IL1R1: variants seen among roughly 807,000 people sequenced by gnomAD.
IL1R1 encodes the protein interleukin 1 receptor type 1.
IL1R1 carries 22 observed loss-of-function variants against 50.2 expected under a neutral mutation model. The ratio of observed to expected loss-of-function variants is 0.44; its 90% CI spans 0.31 to 0.63. The LOEUF is 0.63. IL1R1 is among the 20% of genes least tolerant of loss of function. The pLI is 0.07. For missense variants in IL1R1, 509 were observed against 676.2 expected, an observed-to-expected ratio of 0.75 and a Z score of 2.74; for synonymous variants, 251 against 236.7, an observed-to-expected ratio of 1.06 and a Z score of -0.55.
chr2:102,137,684 A>G (rs1278371738), intron 1 of IL1R1, among the ~76,000 whole-genome samples: 2 of 152,188 alleles, frequency 1.3e-5, no homozygotes, highest in East Asian at 1.9e-4. Context: ...ACCATATTCT[A>G]TTGGTTGAAA....
intron 1 of IL1R1, among the ~76,000 whole-genome samples, chr2:102,098,389 T>C (rs1161528052): frequency 1.3e-5 from 2 of 152,136 alleles, no homozygotes; most frequent in African/African-American, 2.4e-5. Context: ...CTGGAGTTGC[T>C]GGCCAATGCA....
chr2:102,093,893 C>T lies in IL1R1; in HGVS notation c.-84+23360C>T, dbSNP rs555987196. Among the ~76,000 whole-genome samples, 168 of 152,290 alleles carry T rather than the reference C, an allele frequency of 1.1e-3. 1 individual carries two copies. Among genetic ancestry groups the T allele is most frequent in the African/African-American group, 3.9e-3 (163 of 41,564 alleles). ...CCCGGCAGCTGCAGTGGGGCATCCC[C>T]GCGGGACCAGTCCTCCTGCAGCAGT... On this transcript the variant is annotated intron_variant, in intron 1 of 11. Coordinates refer to the IL1R1 transcript ENST00000409929.
chr2:102,118,958 C>T (rs1000900520), intron 1 of IL1R1, among the ~76,000 whole-genome samples: 20 of 126,216 alleles, frequency 1.6e-4, no homozygotes, highest in Admixed American at 1.0e-3. Context: ...GCAGAGCTTG[C>T]GGTGAGCCGA....
intron 1 of IL1R1, among the ~76,000 whole-genome samples, chr2:102,089,056 G>T (rs1679548370): frequency 6.6e-6 from 1 of 152,146 alleles, no homozygotes; most frequent in African/African-American, 2.4e-5. Flanking sequence ...AGGCTGTTTT[G>T]CTTTCTGATC....
chr2:102,131,637 A>T (rs1275574769), intron 1 of IL1R1, among the ~76,000 whole-genome samples: 2 of 92,184 alleles, frequency 2.2e-5, no homozygotes, highest in African/African-American at 7.4e-5. Flanking sequence ...AGACATAACA[A>T]TAGAAACTAT....
intron 1 of IL1R1, among the ~76,000 whole-genome samples, chr2:102,082,579 C>T (rs1211244200): frequency 6.6e-6 from 1 of 152,138 alleles, no homozygotes; most frequent in Non-Finnish European, 1.5e-5. Context: ...TAGGTGATAA[C>T]GGAAGTAGTG....
chr2:102,109,622 G>C (rs1384509263), intron 1 of IL1R1, among the ~76,000 whole-genome samples: 1 of 152,146 alleles, frequency 6.6e-6, no homozygotes, highest in African/African-American at 2.4e-5. Flanking sequence ...CCTCAACTTG[G>C]GGATCAGGCA....
At chr2:102,104,339 T>C (rs77116127), upstream of IL1R1, among the ~76,000 whole-genome samples, 1,778 of 152,210 alleles carry the variant, frequency 0.012, 76 homozygotes, top group East Asian at 0.14. Context: ...GACTGACCAG[T>C]CAAGACTCTG....
At chr2:102,071,310 A>C (rs1307200992) in intron 1 of IL1R1, among the ~76,000 whole-genome samples, 1 of 152,214 alleles carries the variant, frequency 6.6e-6, no homozygotes, top group African/African-American at 2.4e-5. Context: ...TTTTTAACTA[A>C]ATAGGGTGAT....
chr2:102,101,428 T>G (rs1313367283), upstream of IL1R1, among the ~76,000 whole-genome samples: 2 of 152,216 alleles, frequency 1.3e-5, no homozygotes, highest in African/African-American at 4.8e-5. Flanking sequence ...CCTCTCTTAA[T>G]GACCCATAGC....
At chr2:102,140,737 G>A (rs754069303), upstream of IL1R1, among the ~76,000 whole-genome samples, 1 of 152,142 alleles carries the variant, frequency 6.6e-6, no homozygotes, top group African/African-American at 2.4e-5. Context: ...TCCAAGGAAA[G>A]GAAATAAAGG....
At chr2:102,172,379 A>G (rs3917306) in intron 8 of IL1R1, 27,858 of 984,860 alleles carry the variant, frequency 0.028, 1,697 homozygotes, top group African/African-American at 0.23. Flanking sequence ...ATCTGCCCCA[A>G]TCTCCTCTTG....
At chr2:102,163,888 C>T (rs566527666) in intron 3 of IL1R1, among the ~76,000 whole-genome samples, 30 of 152,250 alleles carry the variant, frequency 2.0e-4, no homozygotes, top group Admixed American at 5.2e-4. Context: ...TTAATCCTTT[C>T]GGGTCTTGCT....
chr2:102,074,055 C>A (rs935725132), intron 1 of IL1R1, among the ~76,000 whole-genome samples: 2 of 152,174 alleles, frequency 1.3e-5, no homozygotes, highest in African/African-American at 4.8e-5. Flanking sequence ...GAGTGATGAG[C>A]AGCACGTGGT....
intron 1 of IL1R1, among the ~76,000 whole-genome samples, chr2:102,098,339 A>G (rs1178967953): frequency 6.6e-6 from 1 of 152,198 alleles, no homozygotes; most frequent in Non-Finnish European, 1.5e-5. Flanking sequence ...CAGGAGCAAT[A>G]CAAGAATTAC....
intron 1 of IL1R1, among the ~76,000 whole-genome samples, chr2:102,094,489 A>G (rs1486057040): frequency 6.6e-6 from 1 of 152,220 alleles, no homozygotes; most frequent in East Asian, 1.9e-4. Flanking sequence ...ATTCTTGCTA[A>G]CAGTACAAAT....
chr2:102,104,633 T>A (rs1559463692), exon 1 of IL1R1: 1 of 152,284 alleles, frequency 6.6e-6, no homozygotes, highest in Non-Finnish European at 1.5e-5. Flanking sequence ...CTCCTTCCTT[T>A]GAGCCTCCGT....
At chr2:102,074,035 T>C (rs1678853760) in intron 1 of IL1R1, among the ~76,000 whole-genome samples, 1 of 152,186 alleles carries the variant, frequency 6.6e-6, no homozygotes, top group Non-Finnish European at 1.5e-5. Flanking sequence ...CCATGTTCTT[T>C]TCATCTTGTG....
chr2:102,114,482 G>C (rs1338275605), intron 1 of IL1R1, among the ~76,000 whole-genome samples: 1 of 152,158 alleles, frequency 6.6e-6, no homozygotes, highest in East Asian at 1.9e-4. Context: ...AAAGTCTCAT[G>C]TGAACCTGCC....
Sources: allele counts gnomAD v4.1 joint callset (sites outside exome capture counted in the v4.1 genomes callset), GRCh38; gene constraint gnomAD v4.1.1; transcripts MANE v1.5; gene names NCBI Gene and HGNC (gene_info 2026-07-23, HGNC 2026-07-21).